FHIT: variants seen among roughly 807,000 people sequenced by gnomAD.
FHIT encodes the protein fragile histidine triad diadenosine triphosphatase.
Under a neutral mutation model 17.9 loss-of-function variants are expected in FHIT, and 19 were observed. The observed-to-expected ratio is 1.06, with a 90% CI of 0.74 to 1.56. FHIT has a LOEUF of 1.56. Among genes scored for constraint, FHIT ranks in the 40% most tolerant of loss-of-function variants. The pLI is 0.00. For synonymous variants in FHIT, 81 were observed against 69.7 expected (o/e 1.16, Z -0.81); for missense variants, 248 against 189.2 (o/e 1.31, Z -1.82).
intron 4 of FHIT, among the ~76,000 whole-genome samples, chr3:60,565,294 T>A (rs2037092893): frequency 6.6e-6 from 1 of 152,172 alleles, no homozygotes; most frequent in African/African-American, 2.4e-5. Flanking sequence ...ATAATATCTT[T>A]GAGGTATGGC....
At chr3:59,957,806 A>G (rs3772460) in intron 7 of FHIT, among the ~76,000 whole-genome samples, 12,899 of 152,256 alleles carry the variant, frequency 0.085, 621 homozygotes, top group Middle Eastern at 0.18. Context: ...ACATGTTGGA[A>G]CTTGACTGTT....
chr3:60,744,100 G>A (rs1202515652), intron 4 of FHIT, among the ~76,000 whole-genome samples: 5 of 151,924 alleles, frequency 3.3e-5, no homozygotes, highest in African/African-American at 4.8e-5. Context: ...GACACAGAGC[G>A]ATGCTCTGAC....
chr3:60,823,247 A>C (rs2106777807), intron 3 of FHIT, among the ~76,000 whole-genome samples: 1 of 152,292 alleles, frequency 6.6e-6, no homozygotes. Context: ...GACTCTGGAG[A>C]AACACAAAGT....
chr3:60,067,931 G>A (rs560318943), intron 5 of FHIT, among the ~76,000 whole-genome samples: 1 of 152,120 alleles, frequency 6.6e-6, no homozygotes, highest in Admixed American at 6.5e-5. Context: ...CCATTCATTT[G>A]TTCATTCAAC....
At chr3:59,977,495 G>T (rs180937727) in intron 7 of FHIT, among the ~76,000 whole-genome samples, 155 of 152,236 alleles carry the variant, frequency 1.0e-3, no homozygotes, top group Non-Finnish European at 2.0e-3. Context: ...ATAGCAAAAA[G>T]GGTAATGAGA....
chr3:61,057,913 A>G (rs2034282200), intron 2 of FHIT, among the ~76,000 whole-genome samples: 1 of 152,226 alleles, frequency 6.6e-6, no homozygotes, highest in African/African-American at 2.4e-5. Flanking sequence ...TTGGTGAGGA[A>G]GGCTCCTTGG....
At chr3:60,620,834 T>C (rs897456162) in intron 4 of FHIT, among the ~76,000 whole-genome samples, 5 of 152,036 alleles carry the variant, frequency 3.3e-5, no homozygotes, top group Non-Finnish European at 7.4e-5. Flanking sequence ...AATTGGCTCA[T>C]CAAATGTAAA....
intron 5 of FHIT, among the ~76,000 whole-genome samples, chr3:60,388,533 G>C (rs765691413): frequency 6.6e-6 from 1 of 152,126 alleles, no homozygotes; most frequent in Non-Finnish European, 1.5e-5. Context: ...CCCAGGAGGT[G>C]GAGGTTGCAA....
chr3:60,964,614 G>A (rs1192108140), intron 3 of FHIT, among the ~76,000 whole-genome samples: 7 of 152,084 alleles, frequency 4.6e-5, no homozygotes, highest in African/African-American at 1.7e-4. Context: ...AGGAGCTCTT[G>A]TAAGGCAGGC....
chr3:60,146,658 C>G (rs1367869471), intron 5 of FHIT, among the ~76,000 whole-genome samples: 1 of 152,080 alleles, frequency 6.6e-6, no homozygotes, highest in African/African-American at 2.4e-5. Context: ...TGAGGCAGGA[C>G]TCGCCTGAAA....
intron 5 of FHIT, among the ~76,000 whole-genome samples, chr3:60,089,762 G>A (rs2107087635): frequency 6.6e-6 from 1 of 152,270 alleles, no homozygotes; most frequent in South Asian, 2.1e-4. Context: ...GTAGTCTTCT[G>A]CTTCCAAAAT....
intron 5 of FHIT, among the ~76,000 whole-genome samples, chr3:60,155,007 C>A (rs752111147): frequency 2.0e-5 from 3 of 151,916 alleles, no homozygotes; most frequent in Non-Finnish European, 4.4e-5. Context: ...TGAGACCACT[C>A]TGGGCAACAT....
chr3:60,522,127 G>A lies in FHIT; in HGVS notation c.103+14733C>T, dbSNP rs1257255994. ...AGAAGTTTTTTTTTTTTTTTTTTCT[G>A]ACACAGAGTCTTGCTCTGTTGCCTA... On this transcript the variant is annotated intron_variant, in intron 5 of 9. Coordinates refer to ENST00000492590, the MANE Select transcript of FHIT (RefSeq NM_002012.4). Among the ~76,000 whole-genome samples, 40 of 65,486 alleles carry A rather than the reference G, an allele frequency of 6.1e-4. No homozygotes were observed. In the Admixed American group the frequency reaches 6.6e-3, roughly 11 times the overall value. 43.0% of individuals were successfully genotyped at this position (65,486 alleles called of 152,430 possible).
rs145782454 is a variant in FHIT at position 60,302,120 on chromosome 3, C to T, written c.103+234740G>A. Reference sequence around the variant, plus strand: ...CAATTAGAAATTTAACTGAAGGCCACTTTGAATCAATATGCTGTGGGAATT... The same window carrying T: ...CAATTAGAAATTTAACTGAAGGCCATTTTGAATCAATATGCTGTGGGAATT... On this transcript the variant is annotated intron_variant, in intron 5 of 9. Coordinates refer to ENST00000492590, the MANE Select transcript of FHIT (RefSeq NM_002012.4). 2.6e-5 allele frequency among the ~76,000 whole-genome samples: 4 copies of T among 152,208 alleles called. No individual in the cohort carries two copies. The East Asian group carries it at 5.8e-4, about 22-fold the overall frequency.
chr3:60,251,450 A>G (rs929777713), intron 5 of FHIT, among the ~76,000 whole-genome samples: 1 of 152,234 alleles, frequency 6.6e-6, no homozygotes, highest in African/African-American at 2.4e-5. Context: ...AGAAGAGGGA[A>G]AAATAATTAC....
At chr3:60,018,937 G>A (rs777343276) in intron 5 of FHIT, among the ~76,000 whole-genome samples, 59 of 152,100 alleles carry the variant, frequency 3.9e-4, no homozygotes, top group Non-Finnish European at 6.5e-4. Flanking sequence ...CCAAGGTCAC[G>A]CCATTGCACT....
At chr3:59,975,433 T>C (rs7626013) in intron 7 of FHIT, among the ~76,000 whole-genome samples, 15,771 of 152,188 alleles carry the variant, frequency 0.1, 908 homozygotes, top group Middle Eastern at 0.18. Context: ...TACTGTAAGA[T>C]GCTTTGCATA....
intron 4 of FHIT, among the ~76,000 whole-genome samples, chr3:60,548,385 GAAC>G (rs1289759310): frequency 6.6e-6 from 1 of 151,946 alleles, no homozygotes; most frequent in Non-Finnish European, 1.5e-5. Flanking sequence ...ATCAAATAGA[GAAC>G]AATAAATACA....
At chr3:60,680,979 A>G (rs1553696734) in intron 4 of FHIT, among the ~76,000 whole-genome samples, 3 of 152,242 alleles carry the variant, frequency 2.0e-5, no homozygotes. Flanking sequence ...TTAATTGTAG[A>G]AGTCATCAAG....
Sources: gnomAD v4.1 joint callset for allele counts (sites outside exome capture counted in the v4.1 genomes callset) on GRCh38, gnomAD v4.1.1 for gene constraint, MANE v1.5 for transcripts, NCBI Gene and HGNC (gene_info 2026-07-23, HGNC 2026-07-21) for gene names.